The following MAPKAPK5 variants were observed in gnomAD, a reference collection of about 807,000 sequenced individuals.
The protein encoded by MAPKAPK5 is MAPK activated protein kinase 5.
A neutral mutation model predicts 65.1 loss-of-function variants in MAPKAPK5; 30 were observed. That is an observed-to-expected ratio of 0.46 (90% CI 0.34 to 0.63). The LOEUF is 0.63. Ranked by LOEUF, MAPKAPK5 falls within the 20% of genes least tolerant of loss-of-function variation. The pLI, the probability that MAPKAPK5 is intolerant of heterozygous loss-of-function variation, is 0.01. For synonymous variants in MAPKAPK5, 179 were observed against 204.6 expected (o/e 0.87, Z 1.07); for missense variants, 433 against 581.4 (o/e 0.74, Z 2.63).
intron 1 of MAPKAPK5, among the ~76,000 whole-genome samples, chr12:111,858,168 G>T (rs2069307435): frequency 6.6e-6 from 1 of 152,136 alleles, no homozygotes; most frequent in South Asian, 2.1e-4. Context: ...GCCTCCCAAA[G>T]TGCTGGGATT....
Position 111,880,512 on chromosome 12 carries a change from C to T in MAPKAPK5, c.645C>T (p.Pro215=), listed in dbSNP as rs1307737469. The T allele has an allele frequency of 1.9e-6, 3 of 1,613,790 alleles. No homozygotes were observed. The highest frequency in any genetic ancestry group is 3.3e-5 in the Admixed American group (2 of 60,008). ...GCATCATACCTACCTCACCGACGCC[C>T]TACACTTACAACAAGGTACAGGAAG... is the stretch of plus-strand genomic sequence containing the variant. ...KSGIIPTSPT[P]YTYNKSCDLW... Residue 215 remains proline (P), a synonymous_variant, in exon 8 of 14, where the codon CCC becomes CCT. Coordinates refer to ENST00000550735, the MANE Select transcript of MAPKAPK5 (RefSeq NM_003668.4).
chr12:111,844,575 GT>G (rs2068846381), intron 1 of MAPKAPK5, among the ~76,000 whole-genome samples: 1 of 152,228 alleles, frequency 6.6e-6, no homozygotes, highest in Admixed American at 6.5e-5. Context: ...TATGTGGCCA[GT>G]TTTTAAACAT....
intron 7 of MAPKAPK5, among the ~76,000 whole-genome samples, chr12:111,874,852 G>T (rs1340241934): frequency 4.1e-5 from 6 of 146,252 alleles, no homozygotes; most frequent in Non-Finnish European, 5.9e-5. Context: ...TCGGCTCACT[G>T]CAATCTCCGC....
intron 5 of MAPKAPK5, among the ~76,000 whole-genome samples, 174 bp downstream of exon 5, chr12:111,869,035 C>T (rs947260113): frequency 6.6e-6 from 1 of 152,086 alleles, no homozygotes; most frequent in Non-Finnish European, 1.5e-5. Flanking sequence ...CCCTTTTATA[C>T]TTGGGGGTGG....
At chr12:111,872,757 G>A (rs976167577) in intron 7 of MAPKAPK5, among the ~76,000 whole-genome samples, 3 of 152,138 alleles carry the variant, frequency 2.0e-5, no homozygotes, top group Non-Finnish European at 4.4e-5. Context: ...AGAGCCAGTA[G>A]CATAGCATCT....
At chr12:111,887,518 C>G (rs947183837) in intron 10 of MAPKAPK5, 1 of 152,134 alleles carries the variant, frequency 6.6e-6, no homozygotes, top group African/African-American at 2.4e-5. Context: ...ACTGAAAATA[C>G]AAAAATTAGC....
At chr12:111,849,872 A>G (rs560430342) in intron 1 of MAPKAPK5, among the ~76,000 whole-genome samples, 1 of 150,460 alleles carries the variant, frequency 6.6e-6, no homozygotes, top group Non-Finnish European at 1.5e-5. Context: ...GTCTACCACC[A>G]TGTTTGGCTA....
chr12:111,861,324 G>A (rs76871768), intron 1 of MAPKAPK5, among the ~76,000 whole-genome samples: 1 of 126,928 alleles, frequency 7.9e-6, no homozygotes, highest in Non-Finnish European at 1.7e-5. Flanking sequence ...TGTTTTTTTT[G>A]TTGTTGTTGT....
intron 1 of MAPKAPK5, among the ~76,000 whole-genome samples, chr12:111,852,422 T>A (rs1322641800): frequency 1.3e-5 from 2 of 152,242 alleles, no homozygotes; most frequent in African/African-American, 4.8e-5. Context: ...CTCCACTTAA[T>A]GAATAGCAAA....
chr12:111,888,857 T>C, intron 11 of MAPKAPK5, 28 bp from the exon 12 acceptor site: 1 of 1,611,278 alleles, frequency 6.2e-7, no homozygotes, highest in South Asian at 1.1e-5. Context: ...TCTCACGTTG[T>C]CATTACCCCT....
chr12:111,881,706 G>A (rs377055992), intron 8 of MAPKAPK5, among the ~76,000 whole-genome samples: 1 of 152,012 alleles, frequency 6.6e-6, no homozygotes, highest in Non-Finnish European at 1.5e-5. Flanking sequence ...GTGCCCAGCC[G>A]ATCCTATCTG....
In MAPKAPK5 at chr12:111,897,604, A is replaced by G. The variant is rs1005277692; in HGVS notation, c.*4543A>G. 3 of 152,204 alleles carry G rather than the reference A, an allele frequency of 2.0e-5. No homozygotes were observed. The highest frequency in any genetic ancestry group is 1.5e-5 in the Non-Finnish European group (1 of 68,030). The allele number at this position is 152,204 out of a possible 1,614,324, so 9.4% of individuals were successfully genotyped here. On this transcript the variant is annotated 3_prime_UTR_variant, in exon 14 of 14. Coordinates refer to ENST00000550735, the MANE Select transcript of MAPKAPK5 (RefSeq NM_003668.4). Reference sequence around the variant, plus strand: ...TAATTTTCAAAATACAATTTTAAGAAGCTTTGCGCTTACATAAATCACAAG... The same window carrying G: ...TAATTTTCAAAATACAATTTTAAGAGGCTTTGCGCTTACATAAATCACAAG...
rs1191259795 is a variant in MAPKAPK5, at chr12:111,859,316, G to C, written c.37-5934G>C. Reference sequence around the variant, plus strand: ...TTTTTTCGAGACGGAGTCTCACTCTGTCACCAGGCTGGAGTGCAGTGGCAT... The same window carrying C: ...TTTTTTCGAGACGGAGTCTCACTCTCTCACCAGGCTGGAGTGCAGTGGCAT... On this transcript the variant is annotated intron_variant, in intron 1 of 13. Coordinates refer to ENST00000550735, the MANE Select transcript of MAPKAPK5 (RefSeq NM_003668.4). Among the ~76,000 whole-genome samples, 2 of 148,228 alleles carry C rather than the reference G, an allele frequency of 1.3e-5. 1 individual carries two copies. Among genetic ancestry groups the C allele is most frequent in the Non-Finnish European group, 3.0e-5 (2 of 67,024 alleles).
At chr12:111,848,847 A>C (rs1398289765) in intron 1 of MAPKAPK5, among the ~76,000 whole-genome samples, 1 of 151,986 alleles carries the variant, frequency 6.6e-6, no homozygotes, top group Non-Finnish European at 1.5e-5. Context: ...CTCCTGCCTC[A>C]GCCTCCTAAG....
intron 1 of MAPKAPK5, among the ~76,000 whole-genome samples, chr12:111,854,442 A>G (rs2069176022): frequency 6.6e-6 from 1 of 152,040 alleles, no homozygotes; most frequent in South Asian, 2.1e-4. Context: ...GGGTTTCACC[A>G]TGTTGGCCAG....
chr12:111,852,194 GTT>G (rs1192590550), intron 1 of MAPKAPK5, among the ~76,000 whole-genome samples: 6 of 152,176 alleles, frequency 3.9e-5, no homozygotes, highest in Non-Finnish European at 1.5e-5. Flanking sequence ...GTATAGAAAT[GTT>G]TTTAGAGAAA....
At chr12:111,872,225 G>A (rs1353087124) in intron 7 of MAPKAPK5, among the ~76,000 whole-genome samples, 2 of 152,100 alleles carry the variant, frequency 1.3e-5, no homozygotes, top group Non-Finnish European at 2.9e-5. Context: ...GCGTCTACCA[G>A]CAACGTATAG....
At position 111,900,582 on chromosome 12, in the gene MAPKAPK5, G is replaced by T. The variant is rs576295940; in HGVS notation, c.*7521G>T. 1 of 456,158 alleles carries T rather than the reference G, an allele frequency of 2.2e-6. No homozygotes were observed. The highest frequency in any genetic ancestry group is 6.9e-5 in the East Asian group (1 of 14,390). 28.3% of individuals were successfully genotyped at this position (456,158 alleles called of 1,614,324 possible). A position where few individuals can be genotyped will look rare whatever the true frequency, so the allele number is the denominator to read the frequency against. The stretch of plus-strand genomic sequence containing the variant: ...GCGTAGGGATTCTGCCTGTGGAAAT[G>T]GTGTGGTGGAGGACACGGAGCAGTG... On this transcript the variant is annotated 3_prime_UTR_variant, in exon 14 of 14. Transcript: ENST00000550735.
In MAPKAPK5 at chr12:111,888,931, G is replaced by C; in HGVS notation, c.1147G>C (p.Ala383Pro). The change falls in exon 12 of 14, where the codon GCC (alanine) becomes CCC (proline). Residue 383 changes from alanine (A) to proline (P), a missense_variant. Around this residue, in one of 3 missense-constraint regions of MAPKAPK5, gnomAD observed 169 missense variants for 215.6 expected, o/e 0.78. Transcript: ENST00000550735. ...CTATATCCACGACCATGAGAATGGA[G>C]CCGAGGATTCCAATGTTGCCTTGGA... ...SVYIHDHENG[A>P]EDSNVALEKL... The C allele has an allele frequency of 6.2e-7, 1 of 1,613,300 alleles. No homozygotes were observed. Among genetic ancestry groups the C allele is most frequent in the South Asian group, 1.1e-5 (1 of 90,852 alleles).
Sources: gnomAD v4.1 joint callset for allele counts (sites outside exome capture counted in the v4.1 genomes callset) on GRCh38, gnomAD v4.1.1 for gene constraint, gnomAD v4.1.1 regional missense constraint, MANE v1.5 for transcripts, NCBI Gene and HGNC (gene_info 2026-07-23, HGNC 2026-07-21) for gene names.